Variants in AFAP1 observed in about 807,000 individuals in gnomAD.
AFAP1 encodes actin filament-associated protein 1.
A neutral mutation model predicts 93.9 loss-of-function variants in AFAP1; 75 were observed. That is an observed-to-expected ratio of 0.80 (90% CI 0.66 to 0.97). AFAP1 has a LOEUF of 0.97. AFAP1 is among the 50% of genes least tolerant of loss of function. The pLI is 0.00. For synonymous variants in AFAP1, 517 were observed against 430.7 expected, an observed-to-expected ratio of 1.20 and a Z score of -2.48; for missense variants, 1,201 against 1,050.8, an observed-to-expected ratio of 1.14 and a Z score of -1.98.
chr4:7,846,275 T>C (rs1323819196), intron 4 of AFAP1, among the ~76,000 whole-genome samples: 5 of 152,218 alleles, frequency 3.3e-5, no homozygotes, highest in African/African-American at 1.2e-4. Context: ...ACTGAGCATA[T>C]ACTCATATTT....
chr4:7,832,067 G>T (rs1711687862), intron 6 of AFAP1, among the ~76,000 whole-genome samples: 1 of 152,182 alleles, frequency 6.6e-6, no homozygotes, highest in Non-Finnish European at 1.5e-5. Flanking sequence ...GCTGACAAAT[G>T]AAACTACACA....
chr4:7,811,449 T>C (rs1207534143), intron 8 of AFAP1, among the ~76,000 whole-genome samples: 1 of 151,846 alleles, frequency 6.6e-6, no homozygotes, highest in African/African-American at 2.4e-5. Flanking sequence ...TCACACGCAG[T>C]CCCCTTATCC....
intron 11 of AFAP1, among the ~76,000 whole-genome samples, chr4:7,787,161 G>A (rs143895851): frequency 7.0e-4 from 106 of 152,346 alleles, no homozygotes; most frequent in Admixed American, 1.2e-3. Flanking sequence ...CTGTGATTAC[G>A]GCTGGAACTT....
At chr4:7,782,621 C>T (rs1296780110) in intron 12 of AFAP1, among the ~76,000 whole-genome samples, 1 of 152,204 alleles carries the variant, frequency 6.6e-6, no homozygotes, top group Non-Finnish European at 1.5e-5. Context: ...CAGCCAGGGC[C>T]TTTTCAGGGG....
chr4:7,931,821 C>T (rs1466473920), intron 1 of AFAP1, among the ~76,000 whole-genome samples: 2 of 152,108 alleles, frequency 1.3e-5, no homozygotes, highest in African/African-American at 4.8e-5. Context: ...TCATAAATTT[C>T]TGAAAGCCAG....
chr4:7,893,962 G>A (rs1219223277), intron 1 of AFAP1, among the ~76,000 whole-genome samples: 1 of 152,130 alleles, frequency 6.6e-6, no homozygotes, highest in Non-Finnish European at 1.5e-5. Context: ...AGCGAGCCCT[G>A]GAGGCTTCAA....
At chr4:7,856,475 C>G (rs762890188) in intron 3 of AFAP1, among the ~76,000 whole-genome samples, 1 of 152,120 alleles carries the variant, frequency 6.6e-6, no homozygotes, top group Non-Finnish European at 1.5e-5. Context: ...CTCCTGACCT[C>G]GTGATCAGCC....
At chr4:7,826,936 T>C (rs188331228) in intron 6 of AFAP1, among the ~76,000 whole-genome samples, 436 of 152,182 alleles carry the variant, frequency 2.9e-3, no homozygotes, top group Middle Eastern at 0.01. Flanking sequence ...GGGCCCAATA[T>C]TGGAATGACC....
intron 1 of AFAP1, among the ~76,000 whole-genome samples, chr4:7,874,039 G>C (rs1717305740): frequency 6.6e-6 from 1 of 152,216 alleles, no homozygotes; most frequent in Admixed American, 6.5e-5. Flanking sequence ...GAGATCAGCA[G>C]TGACATGAAC....
intron 8 of AFAP1, among the ~76,000 whole-genome samples, chr4:7,811,431 G>GCACACA (rs1242896204): frequency 6.6e-6 from 1 of 151,688 alleles, no homozygotes; most frequent in Non-Finnish European, 1.5e-5. Context: ...CTCTGCACAC[G>GCACACA]CACACACTCA....
In AFAP1 at chr4:7,858,839, T is replaced by C. The variant is rs555356744; in HGVS notation, c.226-3265A>G. Among the ~76,000 whole-genome samples, 5 of 152,308 alleles carry C rather than the reference T, an allele frequency of 3.3e-5. No homozygotes were observed. In the East Asian group the frequency reaches 9.6e-4, roughly 29 times the overall value. ...CAGCTCTGAGAGTCCAATTCCAGCATTCTTATAAAGTTACAGGTCCACAGA... is the reference window on the plus strand; with the variant it reads ...CAGCTCTGAGAGTCCAATTCCAGCACTCTTATAAAGTTACAGGTCCACAGA... On this transcript the variant is annotated intron_variant, in intron 3 of 17. Transcript: ENST00000420658.
intron 15 of AFAP1, 56 bp from the exon 16 acceptor site, chr4:7,773,066 CAG>C: frequency 6.4e-7 from 1 of 1,553,912 alleles, no homozygotes; most frequent in Non-Finnish European, 8.7e-7. Flanking sequence ...CTCCAAACAA[CAG>C]AGAAGGCACC....
chr4:7,820,249 C>G (rs1720847127), intron 6 of AFAP1, among the ~76,000 whole-genome samples: 1 of 152,160 alleles, frequency 6.6e-6, no homozygotes, highest in Non-Finnish European at 1.5e-5. Flanking sequence ...TTCTTAGCAA[C>G]TGGGTGGTGC....
At chr4:7,789,770 C>T (rs1419702198) in intron 11 of AFAP1, among the ~76,000 whole-genome samples, 1 of 151,484 alleles carries the variant, frequency 6.6e-6, no homozygotes, top group African/African-American at 2.4e-5. Context: ...CGTGCATCTC[C>T]CCATGCTCCG....
chr4:7,928,667 T>A (rs1217477464), intron 1 of AFAP1, among the ~76,000 whole-genome samples: 1 of 152,230 alleles, frequency 6.6e-6, no homozygotes, highest in Non-Finnish European at 1.5e-5. Context: ...ATTACAGGCG[T>A]GAGCCACCAC....
Position 7,766,245 on chromosome 4 carries a change from G to C in AFAP1, c.2419-2454C>G, listed in dbSNP as rs61427217. ...CGCTTCGTGCCTTCTTGCCCCTTCA[G>C]CCTCCCTGGGACAGCTATGTGGGCC... On this transcript the variant is annotated intron_variant, in intron 17 of 17. Coordinates refer to ENST00000420658, the MANE Select transcript of AFAP1 (RefSeq NM_001134647.2). Among the ~76,000 whole-genome samples, 687 of 152,264 alleles carry C rather than the reference G, an allele frequency of 4.5e-3. 5 individuals carry two copies. Among genetic ancestry groups the C allele is most frequent in the African/African-American group, 0.016 (659 of 41,550 alleles).
At chr4:7,919,352 C>T (rs1720307996) in intron 1 of AFAP1, among the ~76,000 whole-genome samples, 1 of 152,226 alleles carries the variant, frequency 6.6e-6, no homozygotes, top group Admixed American at 6.5e-5. Flanking sequence ...CTGTACACTT[C>T]AGGTAGAAAT....
intron 14 of AFAP1, chr4:7,777,295 G>A (rs1716234976): frequency 6.6e-6 from 1 of 152,238 alleles, no homozygotes; most frequent in Admixed American, 6.5e-5. Context: ...AATGGTGGTA[G>A]GAGGGAGGAT....
intron 3 of AFAP1, among the ~76,000 whole-genome samples, chr4:7,866,096 C>T (rs1386922422): frequency 3.3e-5 from 5 of 152,078 alleles, no homozygotes; most frequent in Non-Finnish European, 5.9e-5. Context: ...GGGGTTTCAC[C>T]ATGGTGGCCA....
Sources: gnomAD v4.1 joint callset for allele counts (sites outside exome capture counted in the v4.1 genomes callset) on GRCh38, gnomAD v4.1.1 for gene constraint, MANE v1.5 for transcripts, NCBI Gene and HGNC (gene_info 2026-07-23, HGNC 2026-07-21) for gene names.